Variants in SRL observed in about 807,000 individuals in gnomAD.
SRL encodes sarcalumenin.
A neutral mutation model predicts 39.5 loss-of-function variants in SRL; 23 were observed. The observed-to-expected ratio is 0.58, with a 90% CI of 0.42 to 0.82. The LOEUF is 0.82. Ranked by LOEUF, SRL falls within the 40% of genes least tolerant of loss-of-function variation. The pLI is 0.00. For missense variants in SRL, 592 were observed against 607.8 expected (o/e 0.97, Z 0.27); for synonymous variants, 272 against 237.4 (o/e 1.15, Z -1.34).
At chr16:4,207,345 G>A in intron 1 of SRL, 1 of 456,768 alleles carries the variant, frequency 2.2e-6, no homozygotes, top group Non-Finnish European at 4.4e-6. Flanking sequence ...ACTGGCCTCT[G>A]CAGCTGGGCC....
chr16:4,206,786 C>G (rs903033000), intron 1 of SRL: 4 of 456,660 alleles, frequency 8.8e-6, no homozygotes, highest in Non-Finnish European at 1.3e-5. Context: ...GCTCCTCTGC[C>G]TTCATATCCA....
chr16:4,214,203 T>C (rs1195667847), intron 1 of SRL, among the ~76,000 whole-genome samples: 1 of 152,228 alleles, frequency 6.6e-6, no homozygotes, highest in African/African-American at 2.4e-5. Flanking sequence ...GGGTGTTGAA[T>C]GTATTCAGTG....
intron 4 of SRL, among the ~76,000 whole-genome samples, chr16:4,197,069 T>C (rs2052158197): frequency 2.4e-5 from 2 of 81,800 alleles, no homozygotes; most frequent in Admixed American, 1.2e-4. Context: ...TCTTTTTTTT[T>C]TTTTTTTTTT....
At chr16:4,235,583 C>A (rs1293268071) in intron 1 of SRL, among the ~76,000 whole-genome samples, 2 of 152,092 alleles carry the variant, frequency 1.3e-5, no homozygotes, top group African/African-American at 2.4e-5. Flanking sequence ...TGCCTGTAGT[C>A]CCAGCTACTC....
intron 1 of SRL, among the ~76,000 whole-genome samples, chr16:4,239,919 A>AGGTCG (rs1222899542): frequency 6.6e-6 from 1 of 151,308 alleles, no homozygotes; most frequent in Non-Finnish European, 1.5e-5. Flanking sequence ...GTGCAGCAGC[A>AGGTCG]GGTCGGGAGG....
intron 1 of SRL, chr16:4,207,017 A>C (rs1474625579): frequency 4.5e-6 from 2 of 444,784 alleles, no homozygotes; most frequent in South Asian, 1.6e-5. Flanking sequence ...CTTCCTGGGG[A>C]TCCCCGCCTT....
At chr16:4,221,587 G>C (rs1185178440) in intron 1 of SRL, among the ~76,000 whole-genome samples, 1 of 152,182 alleles carries the variant, frequency 6.6e-6, no homozygotes, top group Non-Finnish European at 1.5e-5. Flanking sequence ...CCTGGCCAAA[G>C]GGTCCCACTC....
At chr16:4,235,314 C>G (rs1222554674) in intron 1 of SRL, among the ~76,000 whole-genome samples, 1 of 152,316 alleles carries the variant, frequency 6.6e-6, no homozygotes, top group African/African-American at 2.4e-5. Flanking sequence ...ACCAATGGGA[C>G]ACGAGAGGGC....
intron 1 of SRL, among the ~76,000 whole-genome samples, chr16:4,238,656 GC>G (rs2052739121): frequency 6.8e-6 from 1 of 147,806 alleles, no homozygotes; most frequent in Non-Finnish European, 1.5e-5. Context: ...ACAAGGTCTC[GC>G]TCTGTCACCC....
At chr16:4,228,777 G>C (rs1003178985) in intron 1 of SRL, among the ~76,000 whole-genome samples, 2 of 151,844 alleles carry the variant, frequency 1.3e-5, no homozygotes, top group Admixed American at 1.3e-4. Context: ...AAAAGAAAAG[G>C]CCTGAAGACC....
intron 1 of SRL, among the ~76,000 whole-genome samples, chr16:4,218,058 C>T (rs560112573): frequency 4.1e-4 from 63 of 152,296 alleles, no homozygotes; most frequent in African/African-American, 1.5e-3. Flanking sequence ...GCTGTCAACA[C>T]TCCCAGGGGC....
rs570118890 is a variant in SRL at position 4,203,067 on chromosome 16, G to A, written c.259+99C>T. On this transcript the variant is annotated intron_variant, in intron 3 of 5. Transcript: ENST00000399609. ...CATGAATGAGCTCCTGAACCTGTGTGGGTACCGGGAGAGTCCAGGCCGGTC... is the reference window on the plus strand; with the variant it reads ...CATGAATGAGCTCCTGAACCTGTGTAGGTACCGGGAGAGTCCAGGCCGGTC... The A allele has an allele frequency of 2.9e-6, 3 of 1,022,890 alleles. No homozygotes were observed. The South Asian group carries it at 4.1e-5, about 14-fold the overall frequency. 63.4% of individuals were successfully genotyped at this position (1,022,890 alleles called of 1,614,324 possible). A position where few individuals can be genotyped will look rare whatever the true frequency, so the allele number is the denominator to read the frequency against.
chr16:4,190,254 T>C lies in SRL; in HGVS notation c.*1899A>G, dbSNP rs1171589427. On this transcript the variant is annotated 3_prime_UTR_variant, in exon 6 of 6. Coordinates refer to ENST00000399609, the MANE Select transcript of SRL (RefSeq NM_001098814.2). ...CGAGGTTCTCCTCATAGACCTAACC[T>C]GACTGCCAACTGGCTTACCCTGCCT... is the stretch of plus-strand genomic sequence containing the variant. 6 of 398,804 alleles carry C rather than the reference T, an allele frequency of 1.5e-5. No homozygotes were observed. Among genetic ancestry groups the C allele is most frequent in the Non-Finnish European group, 2.2e-5 (5 of 226,300 alleles). 24.7% of individuals were successfully genotyped at this position (398,804 alleles called of 1,614,324 possible). A position where few individuals can be genotyped will look rare whatever the true frequency, so the allele number is the denominator to read the frequency against.
At chr16:4,213,404 C>CTTTTA (rs2052417030) in intron 1 of SRL, among the ~76,000 whole-genome samples, 1 of 69,584 alleles carries the variant, frequency 1.4e-5, no homozygotes, top group Non-Finnish European at 2.6e-5. Flanking sequence ...TTTTCTTTTT[C>CTTTTA]TTTTTTTTTT....
intron 1 of SRL, among the ~76,000 whole-genome samples, chr16:4,220,298 C>CACACACAG (rs1300526922): frequency 1.3e-5 from 2 of 151,676 alleles, no homozygotes; most frequent in Admixed American, 6.6e-5. Flanking sequence ...CACACACACA[C>CACACACAG]ACACACACAC....
Position 4,195,761 on chromosome 16 carries a change from G to A in SRL, c.402C>T (p.Phe134=), listed in dbSNP as rs1461780540. The part of the protein sequence containing the change: ...YTGAEPTTSE[F]TVLMHGPKLK... ...GCTTAGGCCCATGCATGAGGACCGTGAACTCAGAGGTGGTGGGTTCAGCGC... is the reference window on the plus strand; with the variant it reads ...GCTTAGGCCCATGCATGAGGACCGTAAACTCAGAGGTGGTGGGTTCAGCGC... Residue 134 remains phenylalanine (F), a synonymous_variant, in exon 5 of 6, where the codon TTC becomes TTT. Coordinates refer to ENST00000399609, the MANE Select transcript of SRL (RefSeq NM_001098814.2). The A allele has an allele frequency of 6.2e-7, 1 of 1,613,930 alleles. No homozygotes were observed. The highest frequency in any genetic ancestry group is 1.3e-5 in the African/African-American group (1 of 74,910).
chr16:4,239,227 C>T (rs2052745665), intron 1 of SRL, among the ~76,000 whole-genome samples: 1 of 152,204 alleles, frequency 6.6e-6, no homozygotes, highest in South Asian at 2.1e-4. Flanking sequence ...GCTTCCTGAC[C>T]GTCACTGCAC....
chr16:4,226,063 C>T (rs146698481), intron 1 of SRL, among the ~76,000 whole-genome samples: 2 of 152,282 alleles, frequency 1.3e-5, no homozygotes, highest in African/African-American at 4.8e-5. Context: ...TCACTCCTTC[C>T]TCTTCTAAGT....
chr16:4,233,990 G>A (rs1420907580), intron 1 of SRL, among the ~76,000 whole-genome samples: 2 of 152,024 alleles, frequency 1.3e-5, no homozygotes, highest in African/African-American at 4.8e-5. Context: ...CATTCATTCT[G>A]TGTTCTCTCT....
Sources: allele counts gnomAD v4.1 joint callset (sites outside exome capture counted in the v4.1 genomes callset), GRCh38; gene constraint gnomAD v4.1.1; transcripts MANE v1.5; gene names NCBI Gene and HGNC (gene_info 2026-07-23, HGNC 2026-07-21).